Variants in ZC3H12C observed in about 807,000 individuals in gnomAD.
The protein encoded by ZC3H12C is probable ribonuclease ZC3H12C.
In ZC3H12C, 20 loss-of-function variants were observed where a neutral mutation model predicts 76.3. The ratio of observed to expected loss-of-function variants is 0.26; its 90% confidence interval spans 0.18 to 0.38. The LOEUF is 0.38. Among genes scored for constraint, ZC3H12C ranks in the 10% least tolerant of loss-of-function variants. The probability of loss-of-function intolerance (pLI) is 1.00; values close to 1 mark genes in which losing one functional copy is unlikely to be tolerated. For synonymous variants in ZC3H12C, 352 were observed against 399.6 expected (o/e 0.88, Z 1.42); for missense variants, 874 against 1,086.5 (o/e 0.80, Z 2.75).
intron 1 of ZC3H12C, among the ~76,000 whole-genome samples, chr11:110,125,270 AGTGTGTGTGTGT>A (rs59512764): frequency 0.029 from 3,975 of 138,718 alleles, 96 homozygotes; most frequent in African/African-American, 0.062. Context: ...ATCTCTCACT[AGTGTGTGTGTGT>A]GTGTGTGTGT....
At chr11:110,108,162 C>T (rs996191452) in intron 1 of ZC3H12C, among the ~76,000 whole-genome samples, 2 of 152,012 alleles carry the variant, frequency 1.3e-5, no homozygotes, top group African/African-American at 4.8e-5. Flanking sequence ...CAGTGTGTTA[C>T]CAAAGCTGCT....
intron 1 of ZC3H12C, among the ~76,000 whole-genome samples, chr11:110,119,994 G>T (rs1861625420): frequency 6.6e-6 from 1 of 152,104 alleles, no homozygotes; most frequent in African/African-American, 2.4e-5. Flanking sequence ...TGTTTAGGTG[G>T]CTGCATAAAT....
rs1862300075 is a variant in ZC3H12C at position 110,152,849 on chromosome 11, T to C, written c.774-70T>C. 7.2e-6 allele frequency: 11 copies of C among 1,521,674 alleles called. No individual in the cohort carries two copies. The South Asian group carries it at 1.3e-4, about 18-fold the overall frequency. 94.3% of individuals were successfully genotyped at this position (1,521,674 alleles called of 1,614,324 possible). ...TTGTAACTATGTAATACTTTCTGTT[T>C]ATAAACTTGAATTAATTTACTTAAA... On this transcript the variant is annotated intron_variant, in intron 2 of 5. Transcript: ENST00000278590.
In ZC3H12C at chr11:110,149,096, T is replaced by C. The variant is rs147020920; in HGVS notation, c.774-3823T>C. 5.9e-3 allele frequency among the ~76,000 whole-genome samples: 905 copies of C among 152,340 alleles called. 6 individuals are homozygous for C. Among genetic ancestry groups the C allele is most frequent in the Non-Finnish European group, 0.01 (701 of 68,032 alleles). Reference sequence around the variant, plus strand: ...GCAGATTTGAGCCACCAGGTAACTGTCTGCTCAGGCTTAAGTTATTATACT... The same window carrying C: ...GCAGATTTGAGCCACCAGGTAACTGCCTGCTCAGGCTTAAGTTATTATACT... On this transcript the variant is annotated intron_variant, in intron 2 of 5. Coordinates refer to ENST00000278590, the MANE Select transcript of ZC3H12C (RefSeq NM_033390.2).
At chr11:110,122,396 A>G (rs1168505099) in intron 1 of ZC3H12C, among the ~76,000 whole-genome samples, 2 of 152,102 alleles carry the variant, frequency 1.3e-5, no homozygotes, top group African/African-American at 4.8e-5. Flanking sequence ...CCACGAGTGT[A>G]TTTTGTTAAC....
At chr11:110,158,433 C>T (rs1214562052) in intron 3 of ZC3H12C, among the ~76,000 whole-genome samples, 3 of 151,746 alleles carry the variant, frequency 2.0e-5, no homozygotes, top group Admixed American at 6.6e-5. Context: ...TCACTTGAAC[C>T]GGGGAGGCGG....
chr11:110,151,883 T>C (rs1430174442), intron 2 of ZC3H12C, among the ~76,000 whole-genome samples: 1 of 151,740 alleles, frequency 6.6e-6, no homozygotes, highest in East Asian at 1.9e-4. Flanking sequence ...CTAAAAATGA[T>C]TAGCCATATG....
chr11:110,159,118 T>C, intron 3 of ZC3H12C, 138 bp from the exon 4 acceptor site: 1 of 661,660 alleles, frequency 1.5e-6, no homozygotes, highest in South Asian at 2.0e-5. Flanking sequence ...ATGCTGTATC[T>C]ACAAATTAAA....
intron 1 of ZC3H12C, chr11:110,131,159 C>A: frequency 7.4e-7 from 1 of 1,345,790 alleles, no homozygotes; most frequent in South Asian, 1.2e-5. Context: ...GCTAAATATT[C>A]AGAGTATTAA....
intron 1 of ZC3H12C, chr11:110,131,075 A>G (rs967308746): frequency 2.6e-6 from 4 of 1,535,790 alleles, no homozygotes; most frequent in Non-Finnish European, 3.5e-6. Context: ...AAGCTGCTAC[A>G]GAAACCAATG....
chr11:110,136,737 G>A lies in ZC3H12C; in HGVS notation c.96G>A (p.Met32Ile). 2 of 1,613,938 alleles carry A rather than the reference G, an allele frequency of 1.2e-6. No homozygotes were observed. Among genetic ancestry groups the A allele is most frequent in the Non-Finnish European group, 1.7e-6 (2 of 1,179,880 alleles). ...KVESSTRNNF[M>I]GLKDHLGHDL... is the part of the protein sequence containing the mutation. ...AGTCAAGTACACGTAACAACTTCAT[G>A]GGCTTGAAGGATCACCTAGGGCATG... Residue 32 changes from methionine to isoleucine, a missense_variant, in exon 2 of 6, where the codon ATG becomes ATA. Around this residue, in one of 3 missense-constraint regions of ZC3H12C, gnomAD observed 210 missense variants for 227.1 expected, o/e 0.92. Transcript: ENST00000278590.
chr11:110,130,128 T>A (rs1159442439), intron 1 of ZC3H12C, among the ~76,000 whole-genome samples: 1 of 152,188 alleles, frequency 6.6e-6, no homozygotes, highest in Non-Finnish European at 1.5e-5. Flanking sequence ...TGCTTCTCTT[T>A]AATTACGTGG....
intron 1 of ZC3H12C, among the ~76,000 whole-genome samples, chr11:110,124,456 TCTG>T: frequency 1.3e-5 from 2 of 152,304 alleles, no homozygotes; most frequent in Admixed American, 1.3e-4. Context: ...AATGAATGGT[TCTG>T]CTCTCAAGAA....
intron 1 of ZC3H12C, among the ~76,000 whole-genome samples, chr11:110,116,231 C>A (rs1861524571): frequency 6.6e-6 from 1 of 152,144 alleles, no homozygotes; most frequent in Non-Finnish European, 1.5e-5. Flanking sequence ...ATGTTCCTTA[C>A]CAATTTCTAA....
chr11:110,147,429 A>G (rs1862191152), intron 2 of ZC3H12C, among the ~76,000 whole-genome samples: 2 of 151,960 alleles, frequency 1.3e-5, no homozygotes. Flanking sequence ...GGAGGGGAAT[A>G]TCACACACCG....
At chr11:110,162,869 G>T (rs563398906) in intron 4 of ZC3H12C, among the ~76,000 whole-genome samples, 2 of 152,110 alleles carry the variant, frequency 1.3e-5, no homozygotes, top group Non-Finnish European at 2.9e-5. Flanking sequence ...TTGTGTTCCA[G>T]CCCCCTCCCT....
intron 1 of ZC3H12C, among the ~76,000 whole-genome samples, chr11:110,109,375 A>G (rs1379047665): frequency 2.6e-5 from 4 of 152,180 alleles, no homozygotes; most frequent in African/African-American, 9.6e-5. Context: ...ATAGGTTCTT[A>G]ATTTATTGGC....
chr11:110,135,856 G>A (rs956403315), intron 1 of ZC3H12C: 2 of 152,078 alleles, frequency 1.3e-5, no homozygotes, highest in African/African-American at 4.8e-5. Context: ...CTTTCCGTAA[G>A]TGCAGATAGA....
intron 1 of ZC3H12C, among the ~76,000 whole-genome samples, chr11:110,112,089 T>C (rs1490700108): frequency 6.6e-6 from 1 of 152,240 alleles, no homozygotes; most frequent in Non-Finnish European, 1.5e-5. Context: ...GCTGTCCTTA[T>C]AATATCCATT....
Sources: allele counts gnomAD v4.1 joint callset (sites outside exome capture counted in the v4.1 genomes callset), GRCh38; gene constraint gnomAD v4.1.1; regional missense constraint gnomAD v4.1.1; transcripts MANE v1.5; gene names NCBI Gene and HGNC (gene_info 2026-07-23, HGNC 2026-07-21).